Variants in ADAD1 observed in about 807,000 individuals in gnomAD.
The protein encoded by ADAD1 is adenosine deaminase domain-containing protein 1.
ADAD1 carries 46 observed loss-of-function variants against 66.8 expected under a neutral mutation model. The observed-to-expected ratio is 0.69, with a 90% CI of 0.54 to 0.88. The LOEUF is 0.88. Ranked by LOEUF, ADAD1 falls within the 40% of genes least tolerant of loss-of-function variation. ADAD1 has a pLI of 0.00. For missense variants in ADAD1, 617 were observed against 681.8 expected (o/e 0.91, Z 1.06); for synonymous variants, 248 against 229.4 (o/e 1.08, Z -0.73).
At chr4:122,424,745 T>G (rs891274348) in intron 12 of ADAD1, among the ~76,000 whole-genome samples, 1 of 151,972 alleles carries the variant, frequency 6.6e-6, no homozygotes, top group African/African-American at 2.4e-5. Flanking sequence ...ATAATTACAA[T>G]AAAGTAGACT....
chr4:122,396,763 C>T (rs1795738236), intron 7 of ADAD1, among the ~76,000 whole-genome samples: 1 of 152,144 alleles, frequency 6.6e-6, no homozygotes, highest in Non-Finnish European at 1.5e-5. Context: ...TGTGTTAACG[C>T]TTTAATGTTC....
chr4:122,402,355 A>G (rs1402506566), intron 7 of ADAD1, among the ~76,000 whole-genome samples: 1 of 152,190 alleles, frequency 6.6e-6, no homozygotes, highest in African/African-American at 2.4e-5. Context: ...GTTTCTGCTG[A>G]GAAATCTACT....
At chr4:122,380,351 A>C in intron 3 of ADAD1, 110 bp downstream of exon 3, 1 of 1,322,940 alleles carries the variant, frequency 7.6e-7, no homozygotes, top group Non-Finnish European at 1.0e-6. Flanking sequence ...ATAGACATTT[A>C]CCCGTGGCCG....
At chr4:122,427,558 G>A (rs911497109) in intron 12 of ADAD1, among the ~76,000 whole-genome samples, 5 of 110,998 alleles carry the variant, frequency 4.5e-5, no homozygotes, top group South Asian at 3.1e-4. Context: ...TTCCTGATGC[G>A]GAGTCTTGCT....
At chr4:122,380,021 C>G (rs767904659) in intron 2 of ADAD1, 41 bp from the exon 3 acceptor site, 1 of 1,553,660 alleles carries the variant, frequency 6.4e-7, no homozygotes, top group Non-Finnish European at 8.7e-7. Flanking sequence ...GTTTACATAG[C>G]GTTTTGTCTT....
intron 11 of ADAD1, among the ~76,000 whole-genome samples, chr4:122,418,913 C>T (rs149706414): frequency 1.3e-4 from 20 of 152,294 alleles, no homozygotes; most frequent in Non-Finnish European, 2.8e-4. Flanking sequence ...GAAAGGAACA[C>T]ATATACACTA....
rs1274926167 is a variant in ADAD1 at position 122,415,677 on chromosome 4, C to A, written c.1487+61C>A. 5.0e-6 allele frequency: 7 copies of A among 1,403,114 alleles called. No homozygotes were observed. The African/African-American group carries it at 7.2e-5, about 14-fold the overall frequency. 86.9% of individuals were successfully genotyped at this position (1,403,114 alleles called of 1,614,324 possible). On this transcript the variant is annotated intron_variant, in intron 11 of 12. Transcript: ENST00000296513. Reference sequence around the variant, plus strand: ...TTAAGCAAAAGAAGACATTTTATTGCAGTTTTTATTCTGACTCTTTTGGAT... The same window carrying A: ...TTAAGCAAAAGAAGACATTTTATTGAAGTTTTTATTCTGACTCTTTTGGAT...
At chr4:122,407,875 A>C (rs756215147) in intron 7 of ADAD1, 33 bp from the exon 8 acceptor site, 1 of 1,606,064 alleles carries the variant, frequency 6.2e-7, no homozygotes, top group South Asian at 1.1e-5. Flanking sequence ...GAGAGGTTAA[A>C]TTAACCTGCT....
chr4:122,420,797 G>A (rs976871618), intron 11 of ADAD1, among the ~76,000 whole-genome samples: 4 of 152,164 alleles, frequency 2.6e-5, no homozygotes. Flanking sequence ...TGTGACATAG[G>A]TTATGTGTAT....
chr4:122,407,812 T>G (rs909218768), intron 7 of ADAD1, 96 bp from the exon 8 acceptor site: 43 of 1,281,026 alleles, frequency 3.4e-5, no homozygotes, highest in Non-Finnish European at 4.3e-5. Flanking sequence ...AGTTAATATA[T>G]TCTACTAAAT....
At chr4:122,422,624 T>C (rs568008212) in intron 12 of ADAD1, among the ~76,000 whole-genome samples, 72 of 152,246 alleles carry the variant, frequency 4.7e-4, no homozygotes, top group African/African-American at 1.7e-3. Context: ...ATCACATATT[T>C]TTAAGTATAA....
At chr4:122,428,145 A>G (rs1393354773) in intron 12 of ADAD1, among the ~76,000 whole-genome samples, 1 of 152,184 alleles carries the variant, frequency 6.6e-6, no homozygotes, top group African/African-American at 2.4e-5. Context: ...CTTTAGATCT[A>G]ACTGTAAGAG....
chr4:122,398,178 A>G (rs1307440582), intron 7 of ADAD1, among the ~76,000 whole-genome samples: 2 of 150,922 alleles, frequency 1.3e-5, no homozygotes, highest in East Asian at 3.9e-4. Flanking sequence ...AGAGTCCATT[A>G]TATCATTCTT....
chr4:122,413,833 C>T lies in ADAD1; in HGVS notation c.1249+1024C>T, dbSNP rs1316971945. On this transcript the variant is annotated intron_variant, in intron 10 of 12. Coordinates refer to ENST00000296513, the MANE Select transcript of ADAD1 (RefSeq NM_139243.4). The stretch of plus-strand genomic sequence containing the variant: ...AACCCAGTTTTCATAACTTTTCACG[C>T]TGCTGCTTATGATAGATCATATATA... 4.9e-4 allele frequency among the ~76,000 whole-genome samples: 63 copies of T among 127,456 alleles called. 2 individuals are homozygous for T. The highest frequency in any genetic ancestry group is 3.3e-5 in the Non-Finnish European group (2 of 60,268). The allele number at this position is 127,456 out of a possible 152,430, so 83.6% of individuals were successfully genotyped here. A position where few individuals can be genotyped will look rare whatever the true frequency, so the allele number is the denominator to read the frequency against.
In ADAD1 at chr4:122,393,649, T is replaced by C. The variant is rs1414912763; in HGVS notation, c.590T>C (p.Val197Ala). The C allele has an allele frequency of 6.3e-7, 1 of 1,595,466 alleles. No individual in the cohort carries two copies. The part of the protein sequence containing the change: ...VLSELAYVSK[V>A]HYEGRHIQYA... Reference sequence around the variant, plus strand: ...TCTGAACTAGCATATGTTTCAAAAGTACATTATGGTAGGAAAGTTTTTTGT... The same window carrying C: ...TCTGAACTAGCATATGTTTCAAAAGCACATTATGGTAGGAAAGTTTTTTGT... The change falls in exon 6 of 13, where the codon GTA (valine) becomes GCA (alanine). Residue 197 changes from valine (V) to alanine (A), a missense_variant. Coordinates refer to ENST00000296513, the MANE Select transcript of ADAD1 (RefSeq NM_139243.4).
intron 5 of ADAD1, among the ~76,000 whole-genome samples, chr4:122,391,792 C>G (rs919616367): frequency 1.3e-5 from 2 of 152,232 alleles, no homozygotes; most frequent in African/African-American, 2.4e-5. Context: ...TCACTGCAAC[C>G]TTTGTCTTCC....
intron 9 of ADAD1, 85 bp downstream of exon 9, chr4:122,411,477 A>C: frequency 7.7e-7 from 1 of 1,300,744 alleles, no homozygotes; most frequent in Non-Finnish European, 1.1e-6. Flanking sequence ...AGAACATATA[A>C]ATTCTAATTA....
At chr4:122,398,562 A>C (rs1795823253) in intron 7 of ADAD1, among the ~76,000 whole-genome samples, 1 of 152,128 alleles carries the variant, frequency 6.6e-6, no homozygotes, top group Non-Finnish European at 1.5e-5. Context: ...ACTGTTTTCC[A>C]TAGAAATTGT....
chr4:122,385,367 G>T lies in ADAD1; in HGVS notation c.529+1401G>T, dbSNP rs370265058. Among the ~76,000 whole-genome samples the T allele has an allele frequency of 2.2e-4, 33 of 152,110 alleles. 1 individual carries two copies. The South Asian group carries it at 6.6e-3, about 31-fold the overall frequency. Reference sequence around the variant, plus strand: ...TGCTCACTGCAACCTCCCCCTCCCGGGTTCAAGTGATTCTCATTCCTCAGC... The same window carrying T: ...TGCTCACTGCAACCTCCCCCTCCCGTGTTCAAGTGATTCTCATTCCTCAGC... On this transcript the variant is annotated intron_variant, in intron 5 of 12. Transcript: ENST00000296513.
Sources: gnomAD v4.1 joint callset for allele counts (sites outside exome capture counted in the v4.1 genomes callset) on GRCh38, gnomAD v4.1.1 for gene constraint, MANE v1.5 for transcripts, NCBI Gene and HGNC (gene_info 2026-07-23, HGNC 2026-07-21) for gene names.